Variants in NRXN3 observed in about 807,000 individuals in gnomAD.
NRXN3 encodes the protein neurexin III.
A neutral mutation model predicts 137.6 loss-of-function variants in NRXN3; 32 were observed. The observed-to-expected ratio is 0.23, with a 90% CI of 0.18 to 0.31. NRXN3 has a LOEUF of 0.31. Ranked by LOEUF, NRXN3 falls within the 10% of genes least tolerant of loss-of-function variation. NRXN3 has a pLI of 1.00. For missense variants in NRXN3, 1,574 were observed against 2,062.5 expected, an observed-to-expected ratio of 0.76 and a Z score of 4.59; for synonymous variants, 798 against 784.5, an observed-to-expected ratio of 1.02 and a Z score of -0.29.
At chr14:78,568,528 C>T (rs1320558584) in intron 4 of NRXN3, among the ~76,000 whole-genome samples, 3 of 152,180 alleles carry the variant, frequency 2.0e-5, no homozygotes, top group Non-Finnish European at 4.4e-5. Flanking sequence ...TGGAGGTATA[C>T]CAGGTATCCC....
chr14:79,650,138 G>C (rs1271523039), intron 16 of NRXN3, among the ~76,000 whole-genome samples: 1 of 152,052 alleles, frequency 6.6e-6, no homozygotes, highest in Non-Finnish European at 1.5e-5. Context: ...CTTGATGTGT[G>C]GGGAAAAACC....
intron 6 of NRXN3, among the ~76,000 whole-genome samples, chr14:78,664,264 C>T (rs1286373117): frequency 6.6e-6 from 1 of 152,160 alleles, no homozygotes; most frequent in East Asian, 1.9e-4. Flanking sequence ...CTCTCTCCAC[C>T]TTAAGACTTA....
intron 8 of NRXN3, among the ~76,000 whole-genome samples, chr14:78,732,727 C>G (rs1190117509): frequency 6.6e-6 from 1 of 152,068 alleles, no homozygotes; most frequent in South Asian, 2.1e-4. Flanking sequence ...AACAATGAAG[C>G]CTGAGACCTA....
At chr14:79,751,382 T>C (rs1260365480) in intron 19 of NRXN3, among the ~76,000 whole-genome samples, 4 of 151,612 alleles carry the variant, frequency 2.6e-5, no homozygotes, top group Admixed American at 6.6e-5. Flanking sequence ...TGTCTGTTGT[T>C]GGTGTATAAG....
chr14:79,203,494 G>A (rs1439112947), intron 15 of NRXN3, among the ~76,000 whole-genome samples: 1 of 152,134 alleles, frequency 6.6e-6, no homozygotes, highest in Non-Finnish European at 1.5e-5. Flanking sequence ...GCCCCATCTA[G>A]AATTTCTCAA....
At chr14:79,477,530 G>A (rs2153632840) in intron 16 of NRXN3, among the ~76,000 whole-genome samples, 1 of 152,192 alleles carries the variant, frequency 6.6e-6, no homozygotes, top group Middle Eastern at 3.4e-3. Context: ...ATGTTCTTGT[G>A]TTTTCTTCCC....
intron 4 of NRXN3, among the ~76,000 whole-genome samples, chr14:78,526,313 C>T (rs1330128557): frequency 6.6e-6 from 1 of 152,204 alleles, no homozygotes; most frequent in Non-Finnish European, 1.5e-5. Flanking sequence ...ATCTCTCTCT[C>T]TTGACTTTGA....
intron 19 of NRXN3, among the ~76,000 whole-genome samples, chr14:79,781,053 T>TA (rs5809959): frequency 6.6e-6 from 1 of 150,770 alleles, no homozygotes; most frequent in Non-Finnish European, 1.5e-5. Flanking sequence ...TTTTTTTTTT[T>TA]AAATAATTAA....
At chr14:79,398,470 T>C (rs1357915330) in intron 15 of NRXN3, among the ~76,000 whole-genome samples, 1 of 151,824 alleles carries the variant, frequency 6.6e-6, no homozygotes, top group Non-Finnish European at 1.5e-5. Flanking sequence ...ACTCCACACA[T>C]CTCAGTGTAG....
intron 15 of NRXN3, chr14:79,280,574 A>C (rs566525416): frequency 6.3e-7 from 1 of 1,577,562 alleles, no homozygotes; most frequent in African/African-American, 1.3e-5. Context: ...TTAATGGGGC[A>C]TAGCAATTCG....
chr14:78,650,676 A>G (rs532939030), intron 5 of NRXN3, among the ~76,000 whole-genome samples: 2 of 152,064 alleles, frequency 1.3e-5, no homozygotes, highest in South Asian at 4.1e-4. Context: ...CAATAAAGAT[A>G]AAAGAAAAGA....
At chr14:78,644,623 G>C (rs1272224097) in intron 4 of NRXN3, among the ~76,000 whole-genome samples, 1 of 152,194 alleles carries the variant, frequency 6.6e-6, no homozygotes, top group Non-Finnish European at 1.5e-5. Context: ...ACCAAAGTTA[G>C]CTGAGTTATT....
intron 6 of NRXN3, among the ~76,000 whole-genome samples, chr14:78,675,814 A>C (rs1315648603): frequency 6.6e-6 from 1 of 152,084 alleles, no homozygotes; most frequent in African/African-American, 2.4e-5. Context: ...CTTTTTTCAA[A>C]TGGAAGTTTT....
At chr14:78,511,690 C>CT (rs1190580356) in intron 4 of NRXN3, among the ~76,000 whole-genome samples, 2 of 152,120 alleles carry the variant, frequency 1.3e-5, no homozygotes, top group African/African-American at 4.8e-5. Context: ...CATGGTGAAA[C>CT]AAGAGTTAAA....
chr14:78,908,547 T>C (rs2099226160), intron 10 of NRXN3, among the ~76,000 whole-genome samples: 1 of 152,068 alleles, frequency 6.6e-6, no homozygotes, highest in South Asian at 2.1e-4. Flanking sequence ...TTTAAAAATT[T>C]GCACATTTCT....
Position 79,509,515 on chromosome 14 carries a change from CA to C in NRXN3, c.3444+42120del, listed in dbSNP as rs1331612736. ...TGGCCAATAGAGGAAGGCTCTGTCT[CA>C]AAAAAATATATATATATTATATATA... On this transcript the variant is annotated intron_variant, in intron 16 of 20. Coordinates refer to ENST00000335750, the MANE Select transcript of NRXN3 (RefSeq NM_001330195.2). 6.4e-5 allele frequency among the ~76,000 whole-genome samples: 9 copies of C among 141,554 alleles called. 1 individual carries two copies. The highest frequency in any genetic ancestry group is 7.2e-3 in the Middle Eastern group (2 of 278). 92.9% of individuals were successfully genotyped at this position (141,554 alleles called of 152,430 possible).
intron 1 of NRXN3, among the ~76,000 whole-genome samples, chr14:78,209,214 C>A (rs1381123520): frequency 6.6e-6 from 1 of 151,968 alleles, no homozygotes; most frequent in Non-Finnish European, 1.5e-5. Flanking sequence ...GGGCCTGAGA[C>A]CTTGGTGGGC....
chr14:78,966,250 C>T lies in NRXN3; in HGVS notation c.2621C>T (p.Thr874Ile), dbSNP rs763450991. 1.2e-6 allele frequency: 2 copies of T among 1,614,210 alleles called. No homozygotes were observed. The highest frequency in any genetic ancestry group is 1.7e-6 in the Non-Finnish European group (2 of 1,180,036). ...GLRNIIADPV[T>I]FKTKSSYLSL... ...AGGAACATCATCGCTGACCCTGTCA[C>T]CTTTAAGACCAAGAGCAGCTACCTG... The change falls in exon 12 of 21, where the codon ACC becomes ATC. Residue 874 changes from threonine (T) to isoleucine (I), a missense_variant. Physicochemically the swap from Thr to Ile is moderately conservative, Grantham distance 89. Transcript: ENST00000335750.
chr14:78,955,439 A>G (rs2099395222), intron 10 of NRXN3, among the ~76,000 whole-genome samples: 1 of 152,210 alleles, frequency 6.6e-6, no homozygotes, highest in South Asian at 2.1e-4. Context: ...CATTTTATGT[A>G]ATATTGAGAC....
Sources: allele counts gnomAD v4.1 joint callset (sites outside exome capture counted in the v4.1 genomes callset), GRCh38; gene constraint gnomAD v4.1.1; transcripts MANE v1.5; gene names NCBI Gene and HGNC (gene_info 2026-07-23, HGNC 2026-07-21).